GNB2: variants seen among roughly 807,000 people sequenced by gnomAD.
GNB2 encodes the protein guanine nucleotide-binding protein G(I)/G(S)/G(T) subunit beta-2.
Under a neutral mutation model 40.7 loss-of-function variants are expected in GNB2, and 7 were observed. The observed-to-expected ratio is 0.17, with a 90% CI of 0.10 to 0.32. The LOEUF (loss-of-function observed/expected upper bound fraction) is 0.32. Among genes scored for constraint, GNB2 ranks in the 10% least tolerant of loss-of-function variants. The pLI is 1.00. For synonymous variants in GNB2, 254 were observed against 191.2 expected (o/e 1.33, Z -2.71); for missense variants, 286 against 473.0 (o/e 0.60, Z 3.67).
intron 2 of GNB2, 21 bp downstream of exon 2, chr7:100,676,343 G>A (rs1436282737): frequency 1.3e-6 from 2 of 1,591,810 alleles, no homozygotes; most frequent in Non-Finnish European, 1.7e-6. Context: ...GGTGCGGGGC[G>A]GGCGATTCAT....
chr7:100,673,886 C>A lies in GNB2; in HGVS notation c.-127C>A. On this transcript the variant is annotated 5_prime_UTR_variant, in exon 1 of 10. Transcript: ENST00000303210. ...GGAGGAAGACAGCGCCGCCCGCGCA[C>A]CGCCAGCGACCTCCGCCGCAGAGTC... The A allele has an allele frequency of 5.5e-6, 1 of 182,102 alleles. No homozygotes were observed. The highest frequency in any genetic ancestry group is 1.1e-5 in the Non-Finnish European group (1 of 91,244). 11.3% of individuals were successfully genotyped at this position (182,102 alleles called of 1,614,324 possible).
In GNB2 at chr7:100,678,759, G is replaced by T. The variant is rs752941917; in HGVS notation, c.981G>T (p.Val327=). 1 of 1,613,690 alleles carries T rather than the reference G, an allele frequency of 6.2e-7. No individual in the cohort carries two copies. Among genetic ancestry groups the T allele is most frequent in the East Asian group, 2.2e-5 (1 of 44,886 alleles). ...CLGVTDDGMA[V]ATGSWDSFLK... ...GGGTCACCGACGATGGCATGGCTGT[G>T]GCCACGGGCTCCTGGGACTCCTTCC... is the stretch of plus-strand genomic sequence containing the variant. Residue 327 remains valine (V), a synonymous_variant, in exon 10 of 10, where the codon GTG becomes GTT. Coordinates refer to ENST00000303210, the MANE Select transcript of GNB2 (RefSeq NM_005273.4).
intron 7 of GNB2, 99 bp from the exon 8 acceptor site, chr7:100,677,999 C>G (rs1054134454): frequency 2.6e-6 from 3 of 1,133,488 alleles, no homozygotes; most frequent in Non-Finnish European, 4.0e-6. Context: ...CTCCCTGGAC[C>G]CTTCCACAGG....
chr7:100,677,437 G>T, intron 5 of GNB2, 22 bp downstream of exon 5: 3 of 1,613,298 alleles, frequency 1.9e-6, no homozygotes, highest in Non-Finnish European at 2.5e-6. Context: ...CGGGCTGCGG[G>T]GTGGGGCAGG....
intron 1 of GNB2, chr7:100,675,181 G>A (rs1022315587): frequency 6.6e-6 from 1 of 150,862 alleles, no homozygotes; most frequent in Non-Finnish European, 1.5e-5. Context: ...GGCCCCCCGG[G>A]TGTCCAGGGC....
At chr7:100,678,375 C>G in intron 8 of GNB2, 23 bp from the exon 9 acceptor site, 1 of 1,604,836 alleles carries the variant, frequency 6.2e-7, no homozygotes. Context: ...ACCCTCACCC[C>G]ATCTGGGTCC....
chr7:100,677,813 C>T lies in GNB2; in HGVS notation c.492C>T (p.Thr164=), dbSNP rs1804386717. The stretch of plus-strand genomic sequence containing the variant: ...AAATCATCACCAGCTCTGGGGATAC[C>T]ACCTGGTGAGGCTCTGCCAGGGCTG... ...DNQIITSSGD[T]TCALWDIETG... Residue 164 remains threonine (T), a synonymous_variant, in exon 7 of 10, where the codon ACC becomes ACT. Coordinates refer to ENST00000303210, the MANE Select transcript of GNB2 (RefSeq NM_005273.4). The T allele has an allele frequency of 6.2e-7, 1 of 1,612,822 alleles. No homozygotes were observed. The highest frequency in any genetic ancestry group is 8.5e-7 in the Non-Finnish European group (1 of 1,179,406).
At chr7:100,676,825 C>T in intron 4 of GNB2, 26 bp downstream of exon 4, 1 of 1,367,660 alleles carries the variant, frequency 7.3e-7, no homozygotes. Context: ...CGGGCTGGCG[C>T]TGTGGGCCGA....
intron 2 of GNB2, 30 bp downstream of exon 2, chr7:100,676,352 A>G (rs1182163486): frequency 6.4e-6 from 10 of 1,567,798 alleles, no homozygotes; most frequent in Admixed American, 1.7e-5. Flanking sequence ...CGGGCGATTC[A>G]TGTGTACACC....
At position 100,678,221 on chromosome 7, in the gene GNB2, T is replaced by A; in HGVS notation, c.621T>A (p.Ser207=). The change falls in exon 8 of 10, where the codon TCT becomes TCA. Residue 207 remains serine, a synonymous_variant. Transcript: ENST00000303210. ...RTFVSGACDA[S]IKLWDVRDSM... is the part of the protein sequence containing the mutation. The stretch of plus-strand genomic sequence containing the variant: ...TTGTGTCAGGCGCCTGTGATGCCTC[T>A]ATCAAGCTGTGGGACGTGCGGGATT... The A allele has an allele frequency of 1.2e-6, 2 of 1,613,964 alleles. No individual in the cohort carries two copies. The highest frequency in any genetic ancestry group is 4.5e-5 in the East Asian group (2 of 44,864).
chr7:100,678,252 T>G lies in GNB2; in HGVS notation c.652T>G (p.Cys218Gly). ...GCTGTGGGACGTGCGGGATTCCATGTGCCGACAGACCTTCATCGGCCATGA... is the reference window on the plus strand; with the variant it reads ...GCTGTGGGACGTGCGGGATTCCATGGGCCGACAGACCTTCATCGGCCATGA... ...IKLWDVRDSM[C>G]RQTFIGHESD... The change falls in exon 8 of 10, where the codon TGC becomes GGC. Residue 218 changes from cysteine to glycine, a missense_variant. Transcript: ENST00000303210. 6.2e-7 allele frequency: 1 copy of G among 1,614,026 alleles called. No homozygotes were observed. The highest frequency in any genetic ancestry group is 8.5e-7 in the Non-Finnish European group (1 of 1,179,996).
intron 4 of GNB2, 150 bp downstream of exon 4, chr7:100,676,949 ACAGG>A (rs769730613): frequency 3.3e-6 from 2 of 611,188 alleles, no homozygotes; most frequent in Non-Finnish European, 5.8e-6. Context: ...CCAGACCTGG[ACAGG>A]CAGGACCATG....
chr7:100,677,064 A>G, intron 4 of GNB2: 1 of 591,680 alleles, frequency 1.7e-6, no homozygotes, highest in Non-Finnish European at 3.0e-6. Context: ...ACTTGAGCTC[A>G]GGAGTTTGAG....
intron 3 of GNB2, 42 bp from the exon 4 acceptor site, chr7:100,676,651 G>C (rs774090438): frequency 1.3e-6 from 2 of 1,553,412 alleles, no homozygotes; most frequent in Admixed American, 1.7e-5. Flanking sequence ...CTGCAGTCCT[G>C]CTGCCTGGGC....
Position 100,676,177 on chromosome 7 carries a change from G to A in GNB2, c.-89G>A, listed in dbSNP as rs1804342181. ...CTGACGTCAGCCCTGCATCCCCCAG[G>A]CCTCGGGCCAGCGGCCAGGAGCTGC... On this transcript the variant is annotated splice_region_variant and 5_prime_UTR_variant, in exon 2 of 10. Coordinates refer to ENST00000303210, the MANE Select transcript of GNB2 (RefSeq NM_005273.4). The A allele has an allele frequency of 2.7e-6, 2 of 740,062 alleles. No individual in the cohort carries two copies. The highest frequency in any genetic ancestry group is 2.7e-5 in the Admixed American group (1 of 37,294). The allele number at this position is 740,062 out of a possible 1,614,324, so 45.8% of individuals were successfully genotyped here. A position where few individuals can be genotyped will look rare whatever the true frequency, so the allele number is the denominator to read the frequency against.
chr7:100,678,360 C>T (rs74851555), intron 8 of GNB2, 38 bp from the exon 9 acceptor site: 12 of 1,599,926 alleles, frequency 7.5e-6, no homozygotes, highest in Admixed American at 5.0e-5. Flanking sequence ...CTGCTCCTCA[C>T]CCTCACCCTC....
At position 100,678,624 on chromosome 7, in the gene GNB2, G is replaced by A. The variant is rs199609383; in HGVS notation, c.916+10G>A. On this transcript the variant is annotated intron_variant, in intron 9 of 9. Coordinates refer to ENST00000303210, the MANE Select transcript of GNB2 (RefSeq NM_005273.4). ...AAGGGCGACCGTGCAGGTGACAGCT[G>A]GGGCCCAGGCTGGGTGGGCAGGGAC... 1.9e-6 allele frequency: 3 copies of A among 1,611,226 alleles called. No individual in the cohort carries two copies. The highest frequency in any genetic ancestry group is 2.5e-6 in the Non-Finnish European group (3 of 1,177,780).
chr7:100,676,118 C>T (rs1804340939), intron 1 of GNB2, 59 bp from the exon 2 acceptor site: 1 of 558,556 alleles, frequency 1.8e-6, no homozygotes, highest in Non-Finnish European at 3.1e-6. Flanking sequence ...GCTGCAACCC[C>T]GCCTTTCTCC....
chr7:100,678,922 C>T lies in GNB2; in HGVS notation c.*121C>T, dbSNP rs963399345. On this transcript the variant is annotated 3_prime_UTR_variant, in exon 10 of 10. Transcript: ENST00000303210. ...CCCCGGGCCACGGGGCCTTGGGTCC[C>T]TGCCCTCCCACCCAGGTTTGGTTCC... The T allele has an allele frequency of 1.4e-6, 1 of 735,986 alleles. No individual in the cohort carries two copies. The highest frequency in any genetic ancestry group is 2.3e-6 in the Non-Finnish European group (1 of 443,052). 45.6% of individuals were successfully genotyped at this position (735,986 alleles called of 1,614,324 possible). A position where few individuals can be genotyped will look rare whatever the true frequency, so the allele number is the denominator to read the frequency against.
Sources: gnomAD v4.1 joint callset for allele counts on GRCh38, gnomAD v4.1.1 for gene constraint, MANE v1.5 for transcripts, NCBI Gene and HGNC (gene_info 2026-07-23, HGNC 2026-07-21) for gene names.